Variants in TMEM116 observed in about 807,000 individuals in gnomAD.
The protein encoded by TMEM116 is transmembrane protein 116.
Under a neutral mutation model 44.3 loss-of-function variants are expected in TMEM116, and 38 were observed. The observed-to-expected ratio is 0.86, with a 90% CI of 0.66 to 1.12. The LOEUF (loss-of-function observed/expected upper bound fraction) is 1.12, where lower values mean the gene tolerates loss of function less well. Ranked by LOEUF, TMEM116 falls within the 50% of genes most tolerant of loss-of-function variation. TMEM116 has a pLI of 0.00. For missense variants in TMEM116, 354 were observed against 401.7 expected, an observed-to-expected ratio of 0.88 and a Z score of 1.01; for synonymous variants, 132 against 144.8, an observed-to-expected ratio of 0.91 and a Z score of 0.64.
chr12:112,013,214 T>C, upstream of TMEM116: 1 of 426,648 alleles, frequency 2.3e-6, no homozygotes. Flanking sequence ...CAGGAGCCCA[T>C]TTTCCCGCCC....
chr12:111,956,639 G>A (rs958776163), intron 4 of TMEM116, among the ~76,000 whole-genome samples: 6 of 152,132 alleles, frequency 3.9e-5, no homozygotes, highest in Admixed American at 2.6e-4. Context: ...TCAGCCTGCC[G>A]AGTGCCTGGG....
At chr12:111,973,632 A>C (rs908821378) in intron 4 of TMEM116, among the ~76,000 whole-genome samples, 3 of 152,226 alleles carry the variant, frequency 2.0e-5, no homozygotes, top group African/African-American at 4.8e-5. Context: ...ACCCATAGTA[A>C]AAATACAGGA....
intron 4 of TMEM116, among the ~76,000 whole-genome samples, chr12:111,983,351 G>T (rs1428121183): frequency 6.6e-6 from 1 of 151,938 alleles, no homozygotes; most frequent in Non-Finnish European, 1.5e-5. Context: ...CAGGAGAATC[G>T]CTTGAGCCTG....
In TMEM116 at chr12:111,991,811, C is replaced by T; in HGVS notation, c.157G>A (p.Ala53Thr). ...CWLTETLLYGASVANKDIICY... is the reference protein window; with the variant it reads ...CWLTETLLYGTSVANKDIICY... Reference sequence around the variant, plus strand: ...ATGATGTCCTTATTTGCTACTGAAGCTCCATAGAGAAGTGTCTCCGTGAGC... The same window carrying T: ...ATGATGTCCTTATTTGCTACTGAAGTTCCATAGAGAAGTGTCTCCGTGAGC... The change falls in exon 4 of 11, where the codon GCT becomes ACT. Residue 53 changes from alanine to threonine, a missense_variant. Transcript: ENST00000552374. The T allele has an allele frequency of 1.3e-6, 2 of 1,535,892 alleles. No individual in the cohort carries two copies. Among genetic ancestry groups the T allele is most frequent in the Non-Finnish European group, 8.7e-7 (1 of 1,146,670 alleles).
At chr12:111,949,668 G>C (rs928526012) in intron 4 of TMEM116, among the ~76,000 whole-genome samples, 1 of 152,118 alleles carries the variant, frequency 6.6e-6, no homozygotes, top group Admixed American at 6.5e-5. Flanking sequence ...TAATACACCT[G>C]TTATTAGACT....
intron 4 of TMEM116, among the ~76,000 whole-genome samples, chr12:111,958,277 T>TAAC (rs1491480651): frequency 3.6e-5 from 1 of 27,494 alleles, no homozygotes; most frequent in African/African-American, 1.3e-4. Flanking sequence ...CAATAAATAC[T>TAAC]AAAAAAAAAA....
In TMEM116 at chr12:111,954,236, G is replaced by A. The variant is rs996785698; in HGVS notation, c.211-10867C>T. 1.8e-4 allele frequency among the ~76,000 whole-genome samples: 27 copies of A among 152,252 alleles called. 1 individual carries two copies. Among genetic ancestry groups the A allele is most frequent in the African/African-American group, 5.8e-4 (24 of 41,560 alleles). ...CAAACTAAGTCCAAAAGGTCACTGAGGGAGTGAGACTACATTAACAAGCAA... is the reference window on the plus strand; with the variant it reads ...CAAACTAAGTCCAAAAGGTCACTGAAGGAGTGAGACTACATTAACAAGCAA... On this transcript the variant is annotated intron_variant, in intron 4 of 10. Coordinates refer to ENST00000552374, the MANE Select transcript of TMEM116 (RefSeq NM_001193531.2).
At chr12:111,986,128 G>A (rs2076215834) in intron 4 of TMEM116, among the ~76,000 whole-genome samples, 1 of 151,904 alleles carries the variant, frequency 6.6e-6, no homozygotes, top group African/African-American at 2.4e-5. Context: ...GGTTGAGGTA[G>A]GAGGATCACT....
At chr12:111,949,517 A>C (rs1483164964) in intron 4 of TMEM116, among the ~76,000 whole-genome samples, 1 of 152,222 alleles carries the variant, frequency 6.6e-6, no homozygotes, top group Non-Finnish European at 1.5e-5. Context: ...GTCAGTTGCT[A>C]TTCCTGCTGC....
At chr12:112,010,538 GA>G (rs1242466524) in intron 1 of TMEM116, 1 of 152,232 alleles carries the variant, frequency 6.6e-6, no homozygotes, top group East Asian at 1.9e-4. Context: ...CAGTAGAGAG[GA>G]GGCCCTGGAG....
At chr12:111,960,671 C>T (rs922881159) in intron 4 of TMEM116, among the ~76,000 whole-genome samples, 33 of 151,850 alleles carry the variant, frequency 2.2e-4, no homozygotes, top group Non-Finnish European at 4.0e-4. Flanking sequence ...GGGACACAGC[C>T]AAAGCAGTGT....
At chr12:111,990,361 T>A (rs901420457) in intron 4 of TMEM116, among the ~76,000 whole-genome samples, 1 of 152,088 alleles carries the variant, frequency 6.6e-6, no homozygotes, top group Non-Finnish European at 1.5e-5. Flanking sequence ...AAAGATTAGG[T>A]ACTGGCGAAA....
chr12:112,002,689 AC>A (rs2077328507), intron 3 of TMEM116, among the ~76,000 whole-genome samples: 1 of 152,240 alleles, frequency 6.6e-6, no homozygotes, highest in South Asian at 2.1e-4. Flanking sequence ...TGGGCCTAAT[AC>A]TATCCCTCTT....
intron 4 of TMEM116, among the ~76,000 whole-genome samples, chr12:111,976,563 C>T (rs1367223782): frequency 6.6e-6 from 1 of 152,078 alleles, no homozygotes; most frequent in Non-Finnish European, 1.5e-5. Flanking sequence ...TAATACCTCA[C>T]AACTTTCAAC....
intron 4 of TMEM116, among the ~76,000 whole-genome samples, chr12:111,974,885 A>T (rs1337528661): frequency 3.3e-5 from 5 of 152,274 alleles, no homozygotes; most frequent in African/African-American, 1.2e-4. Context: ...TTTGAAATTT[A>T]AAAAATGTTA....
At chr12:111,993,777 T>C in intron 3 of TMEM116, 1 of 721,826 alleles carries the variant, frequency 1.4e-6, no homozygotes. Context: ...TTGTAACATT[T>C]GTAGCAGGTT....
intron 4 of TMEM116, among the ~76,000 whole-genome samples, chr12:111,964,440 C>CA (rs553179003): frequency 0.015 from 914 of 61,932 alleles, 11 homozygotes; most frequent in African/African-American, 0.039. Context: ...GACTCCATCT[C>CA]AAAAAAAAAA....
chr12:111,952,094 T>C (rs2073776719), intron 4 of TMEM116, among the ~76,000 whole-genome samples: 1 of 152,118 alleles, frequency 6.6e-6, no homozygotes, highest in African/African-American at 2.4e-5. Flanking sequence ...CTGGGTGTGG[T>C]GGCATGCGCC....
chr12:111,958,277 T>TAACAAA (rs1491480651), intron 4 of TMEM116, among the ~76,000 whole-genome samples: 1 of 27,494 alleles, frequency 3.6e-5, no homozygotes, highest in African/African-American at 1.3e-4. Flanking sequence ...CAATAAATAC[T>TAACAAA]AAAAAAAAAA....
Sources: gnomAD v4.1 joint callset for allele counts (sites outside exome capture counted in the v4.1 genomes callset) on GRCh38, gnomAD v4.1.1 for gene constraint, MANE v1.5 for transcripts, NCBI Gene and HGNC (gene_info 2026-07-23, HGNC 2026-07-21) for gene names.